The following MLPH variants were observed in gnomAD, a reference collection of about 807,000 sequenced individuals.
The protein encoded by MLPH is exophilin-3.
Under a neutral mutation model 72.1 loss-of-function variants are expected in MLPH, and 51 were observed. The ratio of observed to expected loss-of-function variants is 0.71; its 90% CI spans 0.56 to 0.89. The LOEUF (loss-of-function observed/expected upper bound fraction) is 0.89, where lower values mean the gene tolerates loss of function less well. Ranked by LOEUF, MLPH falls within the 40% of genes least tolerant of loss-of-function variation. MLPH has a pLI of 0.00. For missense variants in MLPH, 743 were observed against 759.9 expected, an observed-to-expected ratio of 0.98 and a Z score of 0.26; for synonymous variants, 301 against 310.1, an observed-to-expected ratio of 0.97 and a Z score of 0.31.
chr2:237,508,193 C>T (rs1179301409), intron 2 of MLPH, among the ~76,000 whole-genome samples: 1 of 152,122 alleles, frequency 6.6e-6, no homozygotes, highest in Non-Finnish European at 1.5e-5. Flanking sequence ...CTCACTGCAA[C>T]CTCTGCTTCC....
chr2:237,536,753 A>G (rs2080539353), intron 9 of MLPH, among the ~76,000 whole-genome samples: 1 of 151,068 alleles, frequency 6.6e-6, no homozygotes, highest in Admixed American at 6.6e-5. Flanking sequence ...TTCCTGCCCA[A>G]CTCCTTCCCC....
At chr2:237,546,986 C>T (rs1280749449) in intron 13 of MLPH, among the ~76,000 whole-genome samples, 1 of 152,248 alleles carries the variant, frequency 6.6e-6, no homozygotes, top group East Asian at 1.9e-4. Flanking sequence ...AGCAAACCCA[C>T]ACAGGCTGAC....
chr2:237,530,353 C>G (rs1229448907), intron 8 of MLPH, among the ~76,000 whole-genome samples: 1 of 152,252 alleles, frequency 6.6e-6, no homozygotes, highest in Non-Finnish European at 1.5e-5. Flanking sequence ...CACTTTGCTT[C>G]TGCACCCAGA....
chr2:237,492,746 T>C (rs12465015), intron 1 of MLPH, among the ~76,000 whole-genome samples: 18,059 of 152,176 alleles, frequency 0.12, 1,221 homozygotes, highest in South Asian at 0.2. Flanking sequence ...ATCAGGCTCA[T>C]ATGACCTCCC....
intron 2 of MLPH, among the ~76,000 whole-genome samples, chr2:237,506,889 A>C (rs2079783857): frequency 6.6e-6 from 1 of 152,184 alleles, no homozygotes; most frequent in South Asian, 2.1e-4. Context: ...AGTGGGTCGT[A>C]ACATGTTTTC....
intron 6 of MLPH, among the ~76,000 whole-genome samples, chr2:237,521,181 C>T (rs951630250): frequency 2.6e-5 from 4 of 151,544 alleles, no homozygotes; most frequent in African/African-American, 2.4e-5. Flanking sequence ...AGTCGTGTAG[C>T]GAGGTTGTCC....
intron 8 of MLPH, among the ~76,000 whole-genome samples, chr2:237,529,011 T>A (rs529683532): frequency 6.6e-6 from 1 of 152,198 alleles, no homozygotes; most frequent in Non-Finnish European, 1.5e-5. Context: ...GAGGAAATAA[T>A]CTGTCAGCTA....
At chr2:237,502,342 GC>G (rs1473546341) in intron 2 of MLPH, among the ~76,000 whole-genome samples, 1 of 152,196 alleles carries the variant, frequency 6.6e-6, no homozygotes, top group Non-Finnish European at 1.5e-5. Flanking sequence ...CCCCAGAAGA[GC>G]CCAGAACTTC....
chr2:237,523,642 A>C (rs1026809371), intron 6 of MLPH, among the ~76,000 whole-genome samples: 7 of 152,178 alleles, frequency 4.6e-5, no homozygotes, highest in African/African-American at 1.7e-4. Flanking sequence ...ATGTATAAGT[A>C]TTAACGTATT....
intron 8 of MLPH, 107 bp downstream of exon 8, chr2:237,527,623 C>A: frequency 2.1e-6 from 3 of 1,414,238 alleles, no homozygotes; most frequent in Admixed American, 1.8e-5. Flanking sequence ...TACTTTCAAA[C>A]TATGAAATTG....
At chr2:237,536,229 T>C (rs2080527773) in intron 9 of MLPH, among the ~76,000 whole-genome samples, 1 of 152,118 alleles carries the variant, frequency 6.6e-6, no homozygotes, top group South Asian at 2.1e-4. Context: ...CTGCACAGGC[T>C]CTGACCCCGG....
intron 8 of MLPH, among the ~76,000 whole-genome samples, chr2:237,531,816 T>A (rs1295584251): frequency 6.6e-6 from 1 of 152,056 alleles, no homozygotes; most frequent in Non-Finnish European, 1.5e-5. Context: ...TTTTCACCTA[T>A]GTAGAAATTG....
intron 8 of MLPH, among the ~76,000 whole-genome samples, chr2:237,528,257 G>A (rs974518806): frequency 1.3e-5 from 2 of 151,980 alleles, no homozygotes; most frequent in Non-Finnish European, 2.9e-5. Context: ...GGATAAAAGG[G>A]TAAATTTTTA....
chr2:237,551,768 A>G (rs892915885), intron 14 of MLPH, among the ~76,000 whole-genome samples: 2 of 152,090 alleles, frequency 1.3e-5, no homozygotes, highest in Admixed American at 6.5e-5. Context: ...ACTTGAAGTC[A>G]GGAGTTCGAG....
Position 237,525,711 on chromosome 2 carries a change from G to T in MLPH, c.786G>T (p.Pro262=). 2 of 1,614,136 alleles carry T rather than the reference G, an allele frequency of 1.2e-6. No homozygotes were observed. Among genetic ancestry groups the T allele is most frequent in the Non-Finnish European group, 1.7e-6 (2 of 1,180,030 alleles). Residue 262 remains proline, a synonymous_variant, in exon 7 of 16, where the codon CCG becomes CCT. Transcript: ENST00000264605. ...GCCACTCCCATCCGGAAGAGCAGCCGACCAGCATCTCACCTTCCAGACACG... is the reference window on the plus strand; with the variant it reads ...GCCACTCCCATCCGGAAGAGCAGCCTACCAGCATCTCACCTTCCAGACACG... The part of the protein sequence containing the change: ...SGCHSHPEEQ[P]TSISPSRHGA...
intron 2 of MLPH, among the ~76,000 whole-genome samples, chr2:237,506,345 A>C (rs973721395): frequency 1.1e-4 from 16 of 152,190 alleles, no homozygotes; most frequent in African/African-American, 3.4e-4. Context: ...TGCTTTTGCA[A>C]ATCTCTTTAA....
At chr2:237,508,933 C>T (rs549081393) in intron 2 of MLPH, among the ~76,000 whole-genome samples, 5 of 152,324 alleles carry the variant, frequency 3.3e-5, no homozygotes, top group African/African-American at 1.2e-4. Context: ...TCAGGAGGGT[C>T]TTTTATTCCT....
chr2:237,509,870 C>T (rs2079853442), intron 2 of MLPH, among the ~76,000 whole-genome samples: 1 of 152,182 alleles, frequency 6.6e-6, no homozygotes, highest in Non-Finnish European at 1.5e-5. Context: ...ACCTAGTGTC[C>T]TTCTTGTTTT....
Position 237,554,091 on chromosome 2 carries a change from A to G in MLPH, c.*499A>G, listed in dbSNP as rs930576676. 2.1e-5 allele frequency: 6 copies of G among 287,746 alleles called. No homozygotes were observed. The highest frequency in any genetic ancestry group is 4.1e-5 in the Non-Finnish European group (6 of 146,688). The allele number at this position is 287,746 out of a possible 1,614,324, so 17.8% of individuals were successfully genotyped here. A position where few individuals can be genotyped will look rare whatever the true frequency, so the allele number is the denominator to read the frequency against. On this transcript the variant is annotated 3_prime_UTR_variant, in exon 16 of 16. Transcript: ENST00000264605. ...TGGATATTAGACATCCGGACAAGTG[A>G]CTGAACTAATGATCTGCTGAATAAT...
Sources: allele counts gnomAD v4.1 joint callset (sites outside exome capture counted in the v4.1 genomes callset), GRCh38; gene constraint gnomAD v4.1.1; transcripts MANE v1.5; gene names NCBI Gene and HGNC (gene_info 2026-07-23, HGNC 2026-07-21).